Variants in CCSER1 observed in about 807,000 individuals in gnomAD.
CCSER1 encodes coiled-coil serine rich protein 1.
In CCSER1, 41 loss-of-function variants were observed where a neutral mutation model predicts 82.0. The observed-to-expected ratio is 0.50, with a 90% CI of 0.39 to 0.65. The LOEUF is 0.65. Among genes scored for constraint, CCSER1 ranks in the 30% least tolerant of loss-of-function variants. CCSER1 has a pLI of 0.00. For missense variants in CCSER1, 1,119 were observed against 1,064.2 expected (o/e 1.05, Z -0.72); for synonymous variants, 414 against 383.9 (o/e 1.08, Z -0.92).
At chr4:91,143,803 C>T (rs967387724) in intron 10 of CCSER1, among the ~76,000 whole-genome samples, 3 of 152,040 alleles carry the variant, frequency 2.0e-5, no homozygotes, top group African/African-American at 7.2e-5. Context: ...GTTGAACCCA[C>T]ATTGCATCCC....
At chr4:91,395,753 T>C (rs1232833727) in intron 10 of CCSER1, among the ~76,000 whole-genome samples, 4 of 151,754 alleles carry the variant, frequency 2.6e-5, no homozygotes, top group Non-Finnish European at 4.4e-5. Context: ...AATGGGTAAA[T>C]GAGAAAGAAA....
At chr4:91,215,401 G>C (rs539532282) in intron 10 of CCSER1, among the ~76,000 whole-genome samples, 1 of 152,208 alleles carries the variant, frequency 6.6e-6, no homozygotes, top group East Asian at 1.9e-4. Context: ...ATATATAAAG[G>C]GGAGTTTATT....
chr4:90,301,189 T>C (rs903779785), intron 1 of CCSER1, among the ~76,000 whole-genome samples: 8 of 152,148 alleles, frequency 5.3e-5, no homozygotes, highest in African/African-American at 1.9e-4. Context: ...AGTCCAACTT[T>C]AAGTAGGTAA....
intron 1 of CCSER1, among the ~76,000 whole-genome samples, chr4:90,157,360 G>T (rs896101135): frequency 1.3e-4 from 20 of 152,238 alleles, no homozygotes; most frequent in African/African-American, 4.6e-4. Context: ...TCTTGGAGTT[G>T]CTCTTCTCGA....
intron 10 of CCSER1, among the ~76,000 whole-genome samples, chr4:91,333,923 C>T (rs575429269): frequency 6.6e-6 from 1 of 152,034 alleles, no homozygotes; most frequent in African/African-American, 2.4e-5. Context: ...TTAACAGTCT[C>T]TCAGTTTTTC....
At chr4:90,138,662 C>T (rs1724156960) in intron 1 of CCSER1, among the ~76,000 whole-genome samples, 1 of 151,920 alleles carries the variant, frequency 6.6e-6, no homozygotes, top group South Asian at 2.1e-4. Flanking sequence ...TTTGTCACTT[C>T]CTCAAACCAA....
chr4:90,711,427 T>C (rs1263283039), intron 6 of CCSER1, among the ~76,000 whole-genome samples: 1 of 152,146 alleles, frequency 6.6e-6, no homozygotes, highest in East Asian at 1.9e-4. Flanking sequence ...AGAGGAATGC[T>C]TCCAGCTTTT....
intron 5 of CCSER1, among the ~76,000 whole-genome samples, chr4:90,551,726 A>ATATATATG (rs1777543742): frequency 7.0e-6 from 1 of 143,210 alleles, no homozygotes; most frequent in African/African-American, 2.6e-5. Context: ...ATATATATAT[A>ATATATATG]TGTAATTACC....
At chr4:91,328,569 A>G (rs1002204703) in intron 10 of CCSER1, among the ~76,000 whole-genome samples, 2 of 152,156 alleles carry the variant, frequency 1.3e-5, no homozygotes, top group Non-Finnish European at 2.9e-5. Context: ...TATCAACCAC[A>G]GAAATATTTT....
chr4:91,584,438 C>G (rs1763890134), intron 10 of CCSER1, among the ~76,000 whole-genome samples: 1 of 151,556 alleles, frequency 6.6e-6, no homozygotes, highest in East Asian at 1.9e-4. Flanking sequence ...TGGTGAGACC[C>G]TGAGCATAGG....
At position 90,796,708 on chromosome 4, in the gene CCSER1, A is replaced by G. The variant is rs1484952022; in HGVS notation, c.2011-19054A>G. 5.3e-5 allele frequency among the ~76,000 whole-genome samples: 8 copies of G among 152,110 alleles called. No homozygotes were observed. The East Asian group carries it at 1.5e-3, about 29-fold the overall frequency. The stretch of plus-strand genomic sequence containing the variant: ...TCTTTTTTCTCATTTATTTCAAAGA[A>G]CTTTCTGATTTCTTCCTGAATTTTA... On this transcript the variant is annotated intron_variant, in intron 7 of 10. Coordinates refer to ENST00000509176, the MANE Select transcript of CCSER1 (RefSeq NM_001145065.2).
intron 10 of CCSER1, among the ~76,000 whole-genome samples, chr4:91,090,826 G>A (rs192131231): frequency 7.2e-5 from 11 of 152,214 alleles, no homozygotes; most frequent in Non-Finnish European, 1.3e-4. Context: ...GAGCATTTTC[G>A]AATCTCTCCT....
intron 10 of CCSER1, among the ~76,000 whole-genome samples, chr4:91,165,211 A>G (rs1165901652): frequency 6.6e-6 from 1 of 152,112 alleles, no homozygotes; most frequent in Non-Finnish European, 1.5e-5. Flanking sequence ...GGTCTGTTGC[A>G]GTTTGCTGGA....
At position 90,645,254 on chromosome 4, in the gene CCSER1, G is replaced by A. The variant is rs149724012; in HGVS notation, c.1932+17022G>A. Reference sequence around the variant, plus strand: ...TAAGCATGTCCAAATAGATACCTACGTTTACCTAGGTTTTAAAATCTTTCC... The same window carrying A: ...TAAGCATGTCCAAATAGATACCTACATTTACCTAGGTTTTAAAATCTTTCC... On this transcript the variant is annotated intron_variant, in intron 6 of 10. Transcript: ENST00000509176. Among the ~76,000 whole-genome samples the A allele has an allele frequency of 3.6e-4, 55 of 152,130 alleles. No individual in the cohort carries two copies. The East Asian group carries it at 8.9e-3, about 25-fold the overall frequency.
At chr4:90,908,525 A>T (rs759307935) in intron 8 of CCSER1, among the ~76,000 whole-genome samples, 1 of 152,188 alleles carries the variant, frequency 6.6e-6, no homozygotes, top group Non-Finnish European at 1.5e-5. Flanking sequence ...AGCAAATGGT[A>T]GTCATGTGTG....
intron 6 of CCSER1, among the ~76,000 whole-genome samples, chr4:90,708,858 G>C (rs1739939416): frequency 6.6e-6 from 1 of 152,106 alleles, no homozygotes; most frequent in South Asian, 2.1e-4. Context: ...CTCTTTGCCA[G>C]TTGAAGATAT....
At chr4:90,255,713 C>A (rs1723157718) in intron 1 of CCSER1, among the ~76,000 whole-genome samples, 2 of 151,996 alleles carry the variant, frequency 1.3e-5, no homozygotes, top group Admixed American at 1.3e-4. Context: ...ATAGTTGTTG[C>A]AATCATCCAA....
intron 10 of CCSER1, among the ~76,000 whole-genome samples, chr4:91,389,733 T>G (rs1193046660): frequency 6.6e-6 from 1 of 152,176 alleles, no homozygotes; most frequent in Middle Eastern, 3.4e-3. Context: ...TTCATTGATT[T>G]AGTTTCTCTT....
In CCSER1 at chr4:91,576,859, CTA is replaced by C. The variant is rs977969235; in HGVS notation, c.2218-21709_2218-21708del. Among the ~76,000 whole-genome samples, 7 of 151,900 alleles carry C rather than the reference CTA, an allele frequency of 4.6e-5. No individual in the cohort carries two copies. The East Asian group carries it at 1.4e-3, about 30-fold the overall frequency. ...AATTTTTGGATTAGGAATACTTAAC[CTA>C]TATTTTCAGCACACAAAGGTAACTA... is the stretch of plus-strand genomic sequence containing the variant. On this transcript the variant is annotated intron_variant, in intron 10 of 10. Coordinates refer to ENST00000509176, the MANE Select transcript of CCSER1 (RefSeq NM_001145065.2).
Sources: gnomAD v4.1 joint callset for allele counts (sites outside exome capture counted in the v4.1 genomes callset) on GRCh38, gnomAD v4.1.1 for gene constraint, MANE v1.5 for transcripts, NCBI Gene and HGNC (gene_info 2026-07-23, HGNC 2026-07-21) for gene names.